Variants in SAG observed in about 807,000 individuals in gnomAD.
The protein encoded by SAG is S-arrestin.
Under a neutral mutation model 55.0 loss-of-function variants are expected in SAG, and 45 were observed. The observed-to-expected ratio is 0.82, with a 90% confidence interval of 0.64 to 1.05. The LOEUF is 1.05. Ranked by LOEUF, SAG falls within the 50% of genes least tolerant of loss-of-function variation. The probability of loss-of-function intolerance (pLI) is 0.00; values close to 1 mark genes in which losing one functional copy is unlikely to be tolerated. For synonymous variants in SAG, 189 were observed against 197.4 expected (o/e 0.96, Z 0.36); for missense variants, 455 against 512.1 (o/e 0.89, Z 1.08).
intron 11 of SAG, among the ~76,000 whole-genome samples, chr2:233,336,427 A>C (rs555126734): frequency 6.6e-6 from 1 of 152,052 alleles, no homozygotes; most frequent in East Asian, 1.9e-4. Flanking sequence ...AGACAGGAGA[A>C]TCGCTTGAAC....
intron 8 of SAG, chr2:233,328,833 C>G: frequency 2.1e-6 from 1 of 483,756 alleles, no homozygotes; most frequent in Non-Finnish European, 3.6e-6. Flanking sequence ...TTGCGTTCCA[C>G]CCACTGGCTG....
intron 2 of SAG, among the ~76,000 whole-genome samples, chr2:233,312,751 A>G (rs1259639127): frequency 3.3e-5 from 5 of 152,102 alleles, no homozygotes; most frequent in Admixed American, 3.3e-4. Flanking sequence ...GCATGCCCTC[A>G]ACCGTCCCCT....
chr2:233,310,890 C>T (rs1337291763), intron 2 of SAG, among the ~76,000 whole-genome samples: 1 of 152,088 alleles, frequency 6.6e-6, no homozygotes, highest in Non-Finnish European at 1.5e-5. Flanking sequence ...CCGGCTTTGC[C>T]TGTGTGCTTT....
At chr2:233,318,711 T>C (rs373592216) in intron 3 of SAG, 40 bp from the exon 4 acceptor site, 2 of 1,590,028 alleles carry the variant, frequency 1.3e-6, no homozygotes, top group Admixed American at 3.3e-5. Flanking sequence ...GTTTCTTTCA[T>C]CTTCTCCACC....
chr2:233,329,688 G>A (rs1017422439), intron 9 of SAG, 111 bp downstream of exon 9: 1 of 719,992 alleles, frequency 1.4e-6, no homozygotes, highest in Non-Finnish European at 2.4e-6. Context: ...CCTTGGAACT[G>A]GCTACTTGTC....
chr2:233,326,991 C>G, intron 6 of SAG, 130 bp from the exon 7 acceptor site: 1 of 692,366 alleles, frequency 1.4e-6, no homozygotes, highest in Non-Finnish European at 2.6e-6. Flanking sequence ...GGTGCAACCC[C>G]GAATAGGACA....
At chr2:233,334,674 C>T (rs1210376048) in intron 10 of SAG, 2 of 316,604 alleles carry the variant, frequency 6.3e-6, no homozygotes, top group African/African-American at 2.1e-5. Context: ...GTCTCTGACT[C>T]TTGAGCCAGT....
rs143486851 is a variant in SAG, at chr2:233,342,584, G to A, written c.1102+258G>A. ...TGCTCTTGGACAGGGACAATCTCGT[G>A]AGGTTTTATCATGAATGATTTAAGA... On this transcript the variant is annotated intron_variant, in intron 14 of 15. Transcript: ENST00000409110. The A allele has an allele frequency of 3.5e-3, 1,762 of 499,804 alleles. 7 individuals are homozygous for A. The highest frequency in any genetic ancestry group is 5.2e-3 in the Non-Finnish European group (1,436 of 278,606). 31.0% of individuals were successfully genotyped at this position (499,804 alleles called of 1,614,324 possible). A position where few individuals can be genotyped will look rare whatever the true frequency, so the allele number is the denominator to read the frequency against.
At chr2:233,332,037 G>T in intron 10 of SAG, 1 of 375,298 alleles carries the variant, frequency 2.7e-6, no homozygotes, top group Non-Finnish European at 4.9e-6. Context: ...TTAGGAATTT[G>T]GTACTATTTC....
intron 6 of SAG, among the ~76,000 whole-genome samples, chr2:233,325,926 T>C (rs2125333631): frequency 6.6e-6 from 1 of 152,182 alleles, no homozygotes; most frequent in East Asian, 1.9e-4. Flanking sequence ...GAAGGATGCA[T>C]ATTTATTTTC....
intron 8 of SAG, 74 bp from the exon 9 acceptor site, chr2:233,329,419 A>T: frequency 1.1e-6 from 1 of 877,878 alleles, no homozygotes. Flanking sequence ...ATTGAGATGA[A>T]TCTAGAAAGC....
At position 233,342,553 on chromosome 2, in the gene SAG, C is replaced by G. The variant is rs1177096050; in HGVS notation, c.1102+227C>G. 8.9e-6 allele frequency: 5 copies of G among 564,400 alleles called. No individual in the cohort carries two copies. In the Admixed American group the frequency reaches 1.3e-4, roughly 14 times the overall value. 35.0% of individuals were successfully genotyped at this position (564,400 alleles called of 1,614,324 possible). A position where few individuals can be genotyped will look rare whatever the true frequency, so the allele number is the denominator to read the frequency against. On this transcript the variant is annotated intron_variant, in intron 14 of 15. Transcript: ENST00000409110. Reference sequence around the variant, plus strand: ...TTCAGCTGGAGTCTGCAAGATGTAGCATCCTTGCTCTTGGACAGGGACAAT... The same window carrying G: ...TTCAGCTGGAGTCTGCAAGATGTAGGATCCTTGCTCTTGGACAGGGACAAT...
chr2:233,320,228 C>T (rs542373311), intron 4 of SAG, among the ~76,000 whole-genome samples: 2 of 152,372 alleles, frequency 1.3e-5, no homozygotes, highest in Admixed American at 1.3e-4. Flanking sequence ...CTGTTTCCCT[C>T]TGCATCTTAC....
intron 6 of SAG, among the ~76,000 whole-genome samples, chr2:233,324,376 G>A (rs892920330): frequency 1.3e-5 from 2 of 152,120 alleles, no homozygotes; most frequent in East Asian, 1.9e-4. Context: ...TAGCCTGAGC[G>A]ATAGAGTGAG....
At chr2:233,327,867 A>C (rs957846203) in intron 7 of SAG, 2 of 152,664 alleles carry the variant, frequency 1.3e-5, no homozygotes, top group African/African-American at 4.8e-5. Context: ...ACCACTTTTA[A>C]ATGTACCATT....
At chr2:233,333,360 A>G (rs1700827166) in intron 10 of SAG, 1 of 152,192 alleles carries the variant, frequency 6.6e-6, no homozygotes, top group Non-Finnish European at 1.5e-5. Flanking sequence ...CCTAATATGT[A>G]TTCCATCACC....
At chr2:233,341,993 A>G (rs1045534552) in intron 13 of SAG, among the ~76,000 whole-genome samples, 4 of 152,112 alleles carry the variant, frequency 2.6e-5, no homozygotes, top group African/African-American at 9.7e-5. Flanking sequence ...CCATGGTGGC[A>G]TGCATTTGTA....
intron 2 of SAG, among the ~76,000 whole-genome samples, chr2:233,310,649 G>A (rs1469154440): frequency 1.3e-5 from 2 of 151,994 alleles, no homozygotes; most frequent in Non-Finnish European, 2.9e-5. Context: ...TGGGACTACA[G>A]GCATGTGCCA....
intron 6 of SAG, among the ~76,000 whole-genome samples, chr2:233,325,892 C>G (rs12615904): frequency 0.078 from 11,910 of 152,244 alleles, 565 homozygotes; most frequent in Admixed American, 0.11. Context: ...TGGTGTGGCT[C>G]AACAACGGCC....
Sources: allele counts gnomAD v4.1 joint callset (sites outside exome capture counted in the v4.1 genomes callset), GRCh38; gene constraint gnomAD v4.1.1; transcripts MANE v1.5; gene names NCBI Gene and HGNC (gene_info 2026-07-23, HGNC 2026-07-21).